Variants in KCNJ3 observed in about 807,000 individuals in gnomAD.
KCNJ3 encodes potassium inwardly rectifying channel subfamily J member 3.
KCNJ3 carries 4 observed loss-of-function variants against 39.2 expected under a neutral mutation model. The ratio of observed to expected loss-of-function variants is 0.10; its 90% CI spans 0.05 to 0.23. The LOEUF is 0.23. Among genes scored for constraint, KCNJ3 ranks in the 10% least tolerant of loss-of-function variants. The pLI is 1.00. For missense variants in KCNJ3, 276 were observed against 634.9 expected (o/e 0.43, Z 6.08); for synonymous variants, 230 against 237.4 (o/e 0.97, Z 0.29).
rs1464177727 is a variant in KCNJ3, at chr2:154,814,030, T to TA, written c.920-40696dup. ...TATTTGCCACTGACTGGTCAATTGC[T>TA]ACACTTCTCCAACAATGTCTTAAAT... On this transcript the variant is annotated intron_variant, in intron 2 of 2. Coordinates refer to ENST00000295101, the MANE Select transcript of KCNJ3 (RefSeq NM_002239.4). Among the ~76,000 whole-genome samples the TA allele has an allele frequency of 2.6e-5, 4 of 152,250 alleles. No individual in the cohort carries two copies. The East Asian group carries it at 7.7e-4, about 29-fold the overall frequency.
At chr2:154,716,715 G>A (rs1435203990) in intron 2 of KCNJ3, among the ~76,000 whole-genome samples, 2 of 152,042 alleles carry the variant, frequency 1.3e-5, no homozygotes, top group Non-Finnish European at 2.9e-5. Context: ...TATTGGTTAC[G>A]GACTTTGTTT....
chr2:154,779,809 G>A (rs962108668), intron 2 of KCNJ3, among the ~76,000 whole-genome samples: 3 of 151,862 alleles, frequency 2.0e-5, no homozygotes, highest in Non-Finnish European at 2.9e-5. Context: ...CAAAGCACTG[G>A]GATTGCAGGT....
intron 2 of KCNJ3, among the ~76,000 whole-genome samples, chr2:154,715,190 G>T (rs1465612887): frequency 6.6e-6 from 1 of 152,162 alleles, no homozygotes; most frequent in African/African-American, 2.4e-5. Context: ...CACAGTAGTT[G>T]TTTCAGAAAT....
rs180902877 is a variant in KCNJ3 at position 154,737,210 on chromosome 2, C to T, written c.919+27391C>T. 3.7e-4 allele frequency among the ~76,000 whole-genome samples: 57 copies of T among 152,172 alleles called. 1 individual carries two copies. The East Asian group carries it at 0.01, about 27-fold the overall frequency. On this transcript the variant is annotated intron_variant, in intron 2 of 2. Transcript: ENST00000295101. ...AGAAGAAAACCTCATAATTTTGGGA[C>T]GTTGTGTAGAATACGCAGGCAGGTT...
intron 2 of KCNJ3, among the ~76,000 whole-genome samples, chr2:154,831,758 C>T (rs1199658032): frequency 2.6e-5 from 4 of 152,132 alleles, no homozygotes; most frequent in African/African-American, 9.7e-5. Flanking sequence ...GGGAACATTG[C>T]TTTGATTACA....
chr2:154,724,374 TC>T (rs1685314263), intron 2 of KCNJ3, among the ~76,000 whole-genome samples: 1 of 152,126 alleles, frequency 6.6e-6, no homozygotes, highest in African/African-American at 2.4e-5. Context: ...ATATCTTAGT[TC>T]AGTAAGTGCT....
At chr2:154,726,996 G>A (rs1197758379) in intron 2 of KCNJ3, among the ~76,000 whole-genome samples, 2 of 152,082 alleles carry the variant, frequency 1.3e-5, no homozygotes, top group East Asian at 3.9e-4. Flanking sequence ...ATGATCAGTG[G>A]ACTTTGGGGA....
intron 2 of KCNJ3, among the ~76,000 whole-genome samples, chr2:154,837,595 C>G (rs965000077): frequency 5.9e-5 from 9 of 152,026 alleles, no homozygotes; most frequent in African/African-American, 2.2e-4. Context: ...TTTAACCTTC[C>G]CATTCTTCCT....
Position 154,829,189 on chromosome 2 carries a change from A to T in KCNJ3, c.920-25538A>T, listed in dbSNP as rs187645036. 2.6e-5 allele frequency among the ~76,000 whole-genome samples: 4 copies of T among 152,234 alleles called. No individual in the cohort carries two copies. The East Asian group carries it at 7.7e-4, about 29-fold the overall frequency. ...CAGGTTTGTTATACAGGCAATTAGC[A>T]TGTCATAGGGGTTTAGTGCACAGAT... is the stretch of plus-strand genomic sequence containing the variant. On this transcript the variant is annotated intron_variant, in intron 2 of 2. Coordinates refer to ENST00000295101, the MANE Select transcript of KCNJ3 (RefSeq NM_002239.4).
rs1404286028 is a variant in KCNJ3 at position 154,850,006 on chromosome 2, ATCTTTTTTTTTT to A, written c.920-4719_920-4708del. 8.9e-4 allele frequency among the ~76,000 whole-genome samples: 47 copies of A among 52,990 alleles called. 1 individual carries two copies. Among genetic ancestry groups the A allele is most frequent in the Middle Eastern group, 0.01 (1 of 96 alleles). 34.8% of individuals were successfully genotyped at this position (52,990 alleles called of 152,430 possible). Reference sequence around the variant, plus strand: ...TATTGCAATGCAATGTACAGAATAAATCTTTTTTTTTTTTTTTTTTTTTTTTTTTTTTTTTTT... The same window carrying A: ...TATTGCAATGCAATGTACAGAATAAATTTTTTTTTTTTTTTTTTTTTTTTT... On this transcript the variant is annotated intron_variant, in intron 2 of 2. Transcript: ENST00000295101.
Position 154,855,417 on chromosome 2 carries a change from C to G in KCNJ3, c.*104C>G. The stretch of plus-strand genomic sequence containing the variant: ...GGAATCTGAAAGTATATTTTCCTCC[C>G]AGTTCTACAAGCATATTTGAGAACC... On this transcript the variant is annotated 3_prime_UTR_variant, in exon 3 of 3. Coordinates refer to ENST00000295101, the MANE Select transcript of KCNJ3 (RefSeq NM_002239.4). 1 of 801,930 alleles carries G rather than the reference C, an allele frequency of 1.2e-6. No individual in the cohort carries two copies. The highest frequency in any genetic ancestry group is 2.0e-6 in the Non-Finnish European group (1 of 512,294). The allele number at this position is 801,930 out of a possible 1,614,324, so 49.7% of individuals were successfully genotyped here. A position where few individuals can be genotyped will look rare whatever the true frequency, so the allele number is the denominator to read the frequency against.
At chr2:154,748,978 G>A (rs1015084430) in intron 2 of KCNJ3, among the ~76,000 whole-genome samples, 1 of 152,126 alleles carries the variant, frequency 6.6e-6, no homozygotes, top group Non-Finnish European at 1.5e-5. Flanking sequence ...TATTGCAATG[G>A]AGAACTACCA....
intron 2 of KCNJ3, among the ~76,000 whole-genome samples, chr2:154,756,668 G>A (rs1402568291): frequency 1.3e-5 from 2 of 151,986 alleles, no homozygotes; most frequent in Non-Finnish European, 2.9e-5. Context: ...GCAGACGACA[G>A]GTTGATGGGT....
chr2:154,816,583 A>T (rs1687086399), intron 2 of KCNJ3, among the ~76,000 whole-genome samples: 1 of 152,192 alleles, frequency 6.6e-6, no homozygotes, highest in African/African-American at 2.4e-5. Flanking sequence ...TGGCCATAAT[A>T]AAAGTTATAC....
At chr2:154,714,455 T>C (rs1685150706) in intron 2 of KCNJ3, among the ~76,000 whole-genome samples, 1 of 152,146 alleles carries the variant, frequency 6.6e-6, no homozygotes, top group African/African-American at 2.4e-5. Context: ...TCCTTTCTAG[T>C]CTAGATATTT....
intron 2 of KCNJ3, among the ~76,000 whole-genome samples, chr2:154,813,084 AG>A (rs931751652): frequency 2.6e-5 from 4 of 152,230 alleles, no homozygotes; most frequent in African/African-American, 9.6e-5. Flanking sequence ...TTACACAGCT[AG>A]TTAGTAGCTA....
At chr2:154,797,586 A>ATATG (rs1159361323) in intron 2 of KCNJ3, among the ~76,000 whole-genome samples, 2 of 152,048 alleles carry the variant, frequency 1.3e-5, no homozygotes, top group Non-Finnish European at 2.9e-5. Flanking sequence ...ATAAAAAGAT[A>ATATG]TATGTATGTA....
chr2:154,856,391 A>T lies in KCNJ3; in HGVS notation c.*1078A>T, dbSNP rs1687839493. The T allele has an allele frequency of 6.6e-6, 1 of 152,628 alleles. No individual in the cohort carries two copies. Among genetic ancestry groups the T allele is most frequent in the Non-Finnish European group, 1.5e-5 (1 of 68,012 alleles). The allele number at this position is 152,628 out of a possible 1,614,324, so 9.5% of individuals were successfully genotyped here. ...TTTTTCTGGAAATTTTGTCCATTTT[A>T]AAAACCAATCATTTTAAGAAGACAT... On this transcript the variant is annotated 3_prime_UTR_variant, in exon 3 of 3. Transcript: ENST00000295101.
intron 2 of KCNJ3, among the ~76,000 whole-genome samples, chr2:154,806,945 G>A (rs1051267217): frequency 1.3e-5 from 2 of 152,272 alleles, no homozygotes; most frequent in Middle Eastern, 3.4e-3. Context: ...TCTCAAAGAC[G>A]GATGCATAGG....
Sources: gnomAD v4.1 joint callset for allele counts (sites outside exome capture counted in the v4.1 genomes callset) on GRCh38, gnomAD v4.1.1 for gene constraint, MANE v1.5 for transcripts, NCBI Gene and HGNC (gene_info 2026-07-23, HGNC 2026-07-21) for gene names.